The following ZNF16 variants were observed in gnomAD, a reference collection of about 807,000 sequenced individuals.
ZNF16 encodes zinc finger protein KOX9.
ZNF16 carries 7 observed loss-of-function variants against 9.0 expected under a neutral mutation model. The observed-to-expected ratio is 0.78, with a 90% CI of 0.44 to 1.47. ZNF16 has a LOEUF of 1.47. Ranked by LOEUF, ZNF16 falls within the 40% of genes most tolerant of loss-of-function variation. The pLI, the probability that ZNF16 is intolerant of heterozygous loss-of-function variation, is 0.01. For synonymous variants in ZNF16, 312 were observed against 301.5 expected, an observed-to-expected ratio of 1.03 and a Z score of -0.36; for missense variants, 830 against 854.2, an observed-to-expected ratio of 0.97 and a Z score of 0.35.
chr8:144,950,705 T>A (rs978202960), intron 1 of ZNF16, 92 bp downstream of exon 1: 6 of 148,894 alleles, frequency 4.0e-5, no homozygotes, highest in African/African-American at 1.5e-4. Context: ...CCGCCCCGTC[T>A]GAGCCCTGAG....
At position 144,931,511 on chromosome 8, in the gene ZNF16, C is replaced by T; in HGVS notation, c.1276G>A (p.Val426Ile). ...TTATAGGGCTTCTCTCCAGTGTGAA[C>T]CCTGTGGTGCTTAATGAGGTTGGAG... ...RVSNLIKHHR[V>I]HTGEKPYKCS... The change falls in exon 3 of 3, where the codon GTT becomes ATT. Residue 426 changes from valine to isoleucine, a missense_variant. Transcript: ENST00000394909. 1 of 1,613,832 alleles carries T rather than the reference C, an allele frequency of 6.2e-7. No individual in the cohort carries two copies. Among genetic ancestry groups the T allele is most frequent in the East Asian group, 2.2e-5 (1 of 44,820 alleles).
At position 144,931,175 on chromosome 8, in the gene ZNF16, C is replaced by T; in HGVS notation, c.1612G>A (p.Val538Ile). The T allele has an allele frequency of 1.9e-6, 3 of 1,613,850 alleles. No individual in the cohort carries two copies. The highest frequency in any genetic ancestry group is 1.7e-6 in the Non-Finnish European group (2 of 1,179,934). ...RSSNLILHQR[V>I]HTGEKPYECT... is the part of the protein sequence containing the mutation. ...TCATAGGGCTTCTCTCCAGTGTGGA[C>T]TCGCTGGTGAAGGATGAGGTTGGAG... Residue 538 changes from valine to isoleucine, a missense_variant, in exon 3 of 3, where the codon GTC (valine) becomes ATC (isoleucine). Transcript: ENST00000394909.
At chr8:144,950,577 G>A (rs1834088281) in intron 1 of ZNF16, 2 of 151,994 alleles carry the variant, frequency 1.3e-5, no homozygotes, top group South Asian at 4.2e-4. Context: ...CCCTACCGGA[G>A]GCAGCCCCCA....
chr8:144,932,310 G>A lies in ZNF16; in HGVS notation c.477C>T (p.Asp159=). The change falls in exon 3 of 3, where the codon GAC becomes GAT. Residue 159 remains aspartate (D), a synonymous_variant. Transcript: ENST00000394909. The surrounding 1 kb of genome is among the most constrained non-coding windows in gnomAD (Gnocchi z 5.0). The part of the protein sequence containing the change: ...GEKDLDCNGF[D]SRFSLSPNLM... ...GGTTTGGGCTCAGACTGAAGCGACT[G>A]TCAAAACCATTACAGTCCAGATCTT... 1.2e-6 allele frequency: 2 copies of A among 1,614,182 alleles called. No individual in the cohort carries two copies. The highest frequency in any genetic ancestry group is 1.7e-6 in the Non-Finnish European group (2 of 1,180,042).
At position 144,933,503 on chromosome 8, in the gene ZNF16, A is replaced by G. The variant is rs1833606313; in HGVS notation, c.197-913T>C. Among the ~76,000 whole-genome samples, 3 of 152,118 alleles carry G rather than the reference A, an allele frequency of 2.0e-5. No individual in the cohort carries two copies. The highest frequency in any genetic ancestry group is 3.9e-4 in the East Asian group (2 of 5,158). Reference sequence around the variant, plus strand: ...ACACCTGCAGAACAAAGAAACCCTCATGTCCCTGTGTCCCTTACTCAAATG... The same window carrying G: ...ACACCTGCAGAACAAAGAAACCCTCGTGTCCCTGTGTCCCTTACTCAAATG... On this transcript the variant is annotated intron_variant, in intron 2 of 2. Transcript: ENST00000394909. This position sits in a 1 kb window ranked among gnomAD's most constrained non-coding sequence, Gnocchi z 5.6.
Position 144,948,995 on chromosome 8 carries a change from G to A in ZNF16, c.-10+1802C>T, listed in dbSNP as rs377000914. Among the ~76,000 whole-genome samples the A allele has an allele frequency of 6.2e-4, 94 of 152,368 alleles. 1 individual carries two copies. The East Asian group carries it at 9.8e-3, about 16-fold the overall frequency. ...TCTGAGGGCCACATGGAAGGACCTC[G>A]GAGAGCTAAGGATCACTCAGGCTGG... On this transcript the variant is annotated intron_variant, in intron 1 of 2. Transcript: ENST00000394909.
chr8:144,939,573 G>A (rs917817567), intron 2 of ZNF16, among the ~76,000 whole-genome samples: 1 of 133,800 alleles, frequency 7.5e-6, no homozygotes, highest in Non-Finnish European at 1.5e-5. Context: ...TCCAGCCTGA[G>A]GAACAGAGCG....
rs771075561 is a variant in ZNF16 at position 144,931,390 on chromosome 8, C to T, written c.1397G>A (p.Cys466Tyr). 1.2e-6 allele frequency: 2 copies of T among 1,614,230 alleles called. No individual in the cohort carries two copies. The highest frequency in any genetic ancestry group is 1.7e-6 in the Non-Finnish European group (2 of 1,180,052). ...TGAGCTATAACTAAAGGCTTTTCCACATACATTACACACGTGAGGCTTTTC... is the reference window on the plus strand; with the variant it reads ...TGAGCTATAACTAAAGGCTTTTCCATATACATTACACACGTGAGGCTTTTC... ...TGEKPHVCNV[C>Y]GKAFSYSSVL... The change falls in exon 3 of 3, where the codon TGT becomes TAT. Residue 466 changes from cysteine to tyrosine, a missense_variant. Physicochemically the swap from Cys to Tyr is radical, Grantham distance 194. Transcript: ENST00000394909.
Position 144,931,955 on chromosome 8 carries a change from AGTG to A in ZNF16, c.829_831del (p.His277del), listed in dbSNP as rs1488598429. Reference sequence around the variant, plus strand: ...TGACTCTGATGCCTAGAAAAGTCTGAGTGCCCTCGGAAGGCTTTCCCACATTCG... The same window carrying A: ...TGACTCTGATGCCTAGAAAAGTCTGACCCTCGGAAGGCTTTCCCACATTCG... On this transcript the variant is annotated inframe_deletion, in exon 3 of 3. Transcript: ENST00000394909. 3 of 1,613,348 alleles carry A rather than the reference AGTG, an allele frequency of 1.9e-6. No individual in the cohort carries two copies. The highest frequency in any genetic ancestry group is 1.6e-4 in the Middle Eastern group (1 of 6,084).
intron 2 of ZNF16, among the ~76,000 whole-genome samples, chr8:144,938,087 T>C (rs1156534292): frequency 6.6e-6 from 1 of 152,266 alleles, no homozygotes; most frequent in Non-Finnish European, 1.5e-5. Flanking sequence ...CTGCCACATA[T>C]GTATGCGTTT....
rs1391528122 is a variant in ZNF16, at chr8:144,946,070, C to T, written c.137G>A (p.Gly46Asp). The T allele has an allele frequency of 1.9e-6, 3 of 1,613,404 alleles. No individual in the cohort carries two copies. Among genetic ancestry groups the T allele is most frequent in the African/African-American group, 1.3e-5 (1 of 74,880 alleles). ...AVTHPGSAAC[G>D]TPCCSDTELE... ...CTCAGTATCACTACAGCAGGGGGTACCACAGGCTGCAGATCCAGGGTGGGT... is the reference window on the plus strand; with the variant it reads ...CTCAGTATCACTACAGCAGGGGGTATCACAGGCTGCAGATCCAGGGTGGGT... Residue 46 changes from glycine to aspartate, a missense_variant, in exon 2 of 3, where the codon GGT becomes GAT. Physicochemically the swap from Gly to Asp is moderately conservative, Grantham distance 94 (BLOSUM62 -1). Coordinates refer to ENST00000394909, the MANE Select transcript of ZNF16 (RefSeq NM_006958.3).
rs887781060 is a variant in ZNF16, at chr8:144,946,630, C to A, written c.-9-415G>T. Among the ~76,000 whole-genome samples, 3 of 118,026 alleles carry A rather than the reference C, an allele frequency of 2.5e-5. 1 individual carries two copies. The highest frequency in any genetic ancestry group is 1.7e-4 in the Admixed American group (2 of 11,714). 77.4% of individuals were successfully genotyped at this position (118,026 alleles called of 152,430 possible). ...GTTGGGCTTGTGTCCTGCTGTTGGG[C>A]CTGTGTCCTGCTGTTGGGCCTGTGT... is the stretch of plus-strand genomic sequence containing the variant. On this transcript the variant is annotated intron_variant, in intron 1 of 2. Transcript: ENST00000394909.
intron 1 of ZNF16, among the ~76,000 whole-genome samples, chr8:144,949,762 G>T (rs1392525966): frequency 2.0e-5 from 3 of 152,186 alleles, no homozygotes; most frequent in Non-Finnish European, 4.4e-5. Flanking sequence ...ATAAGCCACA[G>T]GGACTTCTGC....
At position 144,932,543 on chromosome 8, in the gene ZNF16, T is replaced by C. The variant is rs747067927; in HGVS notation, c.244A>G (p.Ile82Val). 1.2e-6 allele frequency: 2 copies of C among 1,614,146 alleles called. No homozygotes were observed. The highest frequency in any genetic ancestry group is 2.2e-5 in the East Asian group (1 of 44,890). ...EDKEFLHKED[I>V]HEDLESQAEI... ...GCCTGTGATTCCAAATCTTCATGAATGTCTTCCTTGTGAAGAAACTCCTTG... is the reference window on the plus strand; with the variant it reads ...GCCTGTGATTCCAAATCTTCATGAACGTCTTCCTTGTGAAGAAACTCCTTG... The change falls in exon 3 of 3, where the codon ATT becomes GTT. Residue 82 changes from isoleucine to valine, a missense_variant. By Grantham distance (29) the Ile-to-Val change is conservative (BLOSUM62 3). Coordinates refer to ENST00000394909, the MANE Select transcript of ZNF16 (RefSeq NM_006958.3). The surrounding 1 kb of genome is among the most constrained non-coding windows in gnomAD (Gnocchi z 5.0).
In ZNF16 at chr8:144,936,812, C is replaced by T. The variant is rs113886606; in HGVS notation, c.197-4222G>A. Among the ~76,000 whole-genome samples the T allele has an allele frequency of 3.7e-4, 56 of 150,958 alleles. 1 individual carries two copies. The highest frequency in any genetic ancestry group is 2.8e-3 in the Admixed American group (42 of 15,148). On this transcript the variant is annotated intron_variant, in intron 2 of 2. Transcript: ENST00000394909. ...CATGATCTCGGCTCAATGCAACCTCCGCCTCCTGAGTAGCTGGGATTACAG... is the reference window on the plus strand; with the variant it reads ...CATGATCTCGGCTCAATGCAACCTCTGCCTCCTGAGTAGCTGGGATTACAG...
intron 1 of ZNF16, chr8:144,950,293 C>CA (rs1491519848): frequency 6.6e-6 from 1 of 152,222 alleles, no homozygotes; most frequent in African/African-American, 2.4e-5. Context: ...TAAGAGAACT[C>CA]AGAGACCGGT....
Position 144,932,683 on chromosome 8 carries a change from A to T in ZNF16, c.197-93T>A. On this transcript the variant is annotated intron_variant, in intron 2 of 2. Coordinates refer to ENST00000394909, the MANE Select transcript of ZNF16 (RefSeq NM_006958.3). The surrounding 1 kb of genome is among the most constrained non-coding windows in gnomAD (Gnocchi z 5.0). ...CAGTTGCACCCACTAACTGTGGAGGAGGCAAGGGGAGCAGGGGATCCTCTG... is the reference window on the plus strand; with the variant it reads ...CAGTTGCACCCACTAACTGTGGAGGTGGCAAGGGGAGCAGGGGATCCTCTG... 7.3e-7 allele frequency: 1 copy of T among 1,362,748 alleles called. No homozygotes were observed. Among genetic ancestry groups the T allele is most frequent in the Non-Finnish European group, 1.0e-6 (1 of 993,718 alleles). 84.4% of individuals were successfully genotyped at this position (1,362,748 alleles called of 1,614,324 possible). A position where few individuals can be genotyped will look rare whatever the true frequency, so the allele number is the denominator to read the frequency against.
rs144042148 is a variant in ZNF16, at chr8:144,932,073, C to A, written c.714G>T (p.Met238Ile). 1.3e-3 allele frequency: 2,062 copies of A among 1,614,150 alleles called. 42 individuals are homozygous for A. The South Asian group carries it at 0.022, about 17-fold the overall frequency. The change falls in exon 3 of 3, where the codon ATG (methionine) becomes ATT (isoleucine). Residue 238 changes from methionine (M) to isoleucine (I), a missense_variant. Physicochemically the swap from Met to Ile is conservative, Grantham distance 10. Coordinates refer to ENST00000394909, the MANE Select transcript of ZNF16 (RefSeq NM_006958.3). The surrounding 1 kb of genome is among the most constrained non-coding windows in gnomAD (Gnocchi z 5.0). ...TGAAGGTTTTCCCACAATCATCACA[C>A]ATAAAGGAAGCCTCCCCAGTGTGGA... ...QIVHTGEASF[M>I]CDDCGKTFSQ...
At chr8:144,950,396 T>G (rs1053387523) in intron 1 of ZNF16, 2 of 152,352 alleles carry the variant, frequency 1.3e-5, no homozygotes, top group East Asian at 3.9e-4. Context: ...CAGTCTCTCG[T>G]CCCACCTGAT....
Sources: allele counts gnomAD v4.1 joint callset (sites outside exome capture counted in the v4.1 genomes callset), GRCh38; gene constraint gnomAD v4.1.1; non-coding constraint Gnocchi (gnomAD v3.1); transcripts MANE v1.5; gene names NCBI Gene and HGNC (gene_info 2026-07-23, HGNC 2026-07-21).